Variants in DGAT2L6 observed in about 807,000 individuals in gnomAD.
DGAT2L6 encodes the protein diacylglycerol O-acyltransferase 2 like 6.
DGAT2L6 carries 22 observed loss-of-function variants against 25.5 expected under a neutral mutation model. The observed-to-expected ratio is 0.86, with a 90% CI of 0.62 to 1.23. The LOEUF is 1.23. Among genes scored for constraint, DGAT2L6 ranks in the 50% most tolerant of loss-of-function variants. DGAT2L6 has a pLI of 0.00. For synonymous variants in DGAT2L6, 100 were observed against 94.7 expected (o/e 1.06, Z -0.32); for missense variants, 287 against 253.2 (o/e 1.13, Z -0.91).
chrX:70,179,751 A>C (rs2085337598), intron 1 of DGAT2L6, among the ~76,000 whole-genome samples: 1 of 108,555 alleles, frequency 9.2e-6, no homozygotes, highest in African/African-American at 3.4e-5. Flanking sequence ...TATTTTTAGT[A>C]GAGACGGGGT....
intron 1 of DGAT2L6, among the ~76,000 whole-genome samples, chrX:70,178,564 A>G (rs2085333933): frequency 9.0e-6 from 1 of 110,840 alleles, no homozygotes; most frequent in Non-Finnish European, 1.9e-5. Flanking sequence ...GGTCAATTAC[A>G]GGTGCAAGCT....
chrX:70,195,533 C>T (rs2085388582), intron 1 of DGAT2L6, among the ~76,000 whole-genome samples: 1 of 110,970 alleles, frequency 9.0e-6, no homozygotes, highest in Non-Finnish European at 1.9e-5. Flanking sequence ...TTTGCAATAA[C>T]ATGGATGAAC....
intron 1 of DGAT2L6, 119 bp downstream of exon 1, chrX:70,177,786 C>G (rs1199511): frequency 0.061 from 37,085 of 610,569 alleles, 2,012 homozygotes; most frequent in African/African-American, 0.29. Flanking sequence ...TGGGAAGGAT[C>G]TGGCTGGCAC....
In DGAT2L6 at chrX:70,199,863, G is replaced by T. The variant is rs140805163; in HGVS notation, c.248G>T (p.Arg83Leu). The change falls in exon 3 of 7, where the codon CGA becomes CTA. Residue 83 changes from arginine to leucine, a missense_variant. Coordinates refer to ENST00000333026, the MANE Select transcript of DGAT2L6 (RefSeq NM_198512.3). ...VRNWTLWKYF[R>L]NYFPVKLVKT... is the part of the protein sequence containing the mutation. ...AACTGGACCCTATGGAAGTATTTCC[G>T]AAATTACTTCCCAGTAAAGGTGACC... The T allele has an allele frequency of 1.5e-5, 18 of 1,210,954 alleles. No homozygotes were observed. The highest frequency in any genetic ancestry group is 1.9e-5 in the Non-Finnish European group (17 of 895,174).
chrX:70,178,541 G>A (rs140717802), intron 1 of DGAT2L6, among the ~76,000 whole-genome samples: 1 of 110,904 alleles, frequency 9.0e-6, no homozygotes, highest in Non-Finnish European at 1.9e-5. Flanking sequence ...CCAGAAACCA[G>A]GGATTTGGGG....
chrX:70,200,881 G>T (rs1029469096), intron 4 of DGAT2L6, among the ~76,000 whole-genome samples: 16 of 111,739 alleles, frequency 1.4e-4, no homozygotes, highest in Non-Finnish European at 2.8e-4. Context: ...TGTACACCAT[G>T]GTGTCTTAAA....
intron 6 of DGAT2L6, 69 bp downstream of exon 6, chrX:70,204,585 C>T: frequency 8.8e-7 from 1 of 1,137,079 alleles, no homozygotes. Flanking sequence ...AATCATCCAT[C>T]AAGTCCAGGG....
At chrX:70,186,101 G>T (rs986903492) in intron 1 of DGAT2L6, among the ~76,000 whole-genome samples, 1 of 111,626 alleles carries the variant, frequency 9.0e-6, no homozygotes, top group African/African-American at 3.3e-5. Flanking sequence ...TTTGGAATAC[G>T]GTTTCTCTTC....
chrX:70,200,318 A>G lies in DGAT2L6; in HGVS notation c.331A>G (p.Ile111Val). ...CATCATTGCCAATCACCCCCATGGC[A>G]TTCTCTCTTTTGGTGTCTTCATCAA... is the stretch of plus-strand genomic sequence containing the variant. ...NYIIANHPHG[I>V]LSFGVFINFA... Residue 111 changes from isoleucine (I) to valine (V), a missense_variant, in exon 4 of 7, where the codon ATT becomes GTT. Transcript: ENST00000333026. The G allele has an allele frequency of 8.3e-7, 1 of 1,211,462 alleles. No homozygotes were observed. The highest frequency in any genetic ancestry group is 1.1e-6 in the Non-Finnish European group (1 of 895,359).
In DGAT2L6 at chrX:70,186,057, T is replaced by C. The variant is rs772242137; in HGVS notation, c.85+8390T>C. 4.5e-5 allele frequency among the ~76,000 whole-genome samples: 5 copies of C among 111,768 alleles called. No homozygotes were observed. In the Admixed American group the frequency reaches 4.8e-4, roughly 11 times the overall value. ...CGTTGCCTATATCCTTACACACACA[T>C]GCACACCTTATAACTTCAGATAGCC... is the stretch of plus-strand genomic sequence containing the variant. On this transcript the variant is annotated intron_variant, in intron 1 of 6. Transcript: ENST00000333026.
intron 1 of DGAT2L6, among the ~76,000 whole-genome samples, chrX:70,188,160 T>C (rs2085365075): frequency 8.9e-6 from 1 of 111,928 alleles, no homozygotes; most frequent in African/African-American, 3.3e-5. Context: ...TTAGGTCATA[T>C]TGGTACCATT....
chrX:70,191,573 G>A (rs1342606869), intron 1 of DGAT2L6, among the ~76,000 whole-genome samples: 1 of 111,683 alleles, frequency 9.0e-6, no homozygotes, highest in Admixed American at 9.4e-5. Context: ...CATAATTTAG[G>A]AGAAGAAAAA....
At chrX:70,184,205 C>T (rs1196029735) in intron 1 of DGAT2L6, among the ~76,000 whole-genome samples, 2 of 111,133 alleles carry the variant, frequency 1.8e-5, no homozygotes, top group Non-Finnish European at 3.8e-5. Context: ...CCTCTCAAGA[C>T]TGTTCCAGAG....
At chrX:70,184,553 C>A (rs2085353797) in intron 1 of DGAT2L6, among the ~76,000 whole-genome samples, 1 of 109,967 alleles carries the variant, frequency 9.1e-6, no homozygotes, top group South Asian at 4.0e-4. Flanking sequence ...CAGCCTCGAA[C>A]TCCTGGGTTC....
intron 1 of DGAT2L6, among the ~76,000 whole-genome samples, chrX:70,185,995 A>G (rs2085358694): frequency 9.0e-6 from 1 of 111,082 alleles, no homozygotes; most frequent in African/African-American, 3.3e-5. Flanking sequence ...TTTCACCCAT[A>G]AGAATTATAG....
At chrX:70,185,936 T>G (rs768056221) in intron 1 of DGAT2L6, among the ~76,000 whole-genome samples, 7 of 109,958 alleles carry the variant, frequency 6.4e-5, no homozygotes, top group African/African-American at 2.3e-4. Context: ...AGGCAAGCAT[T>G]GCCAACATTC....
Position 70,199,900 on chromosome X carries a change from G to T in DGAT2L6, c.267+18G>T, listed in dbSNP as rs1203197771. 2.5e-6 allele frequency: 3 copies of T among 1,197,817 alleles called. No homozygotes were observed. The highest frequency in any genetic ancestry group is 3.4e-6 in the Non-Finnish European group (3 of 886,564). On this transcript the variant is annotated intron_variant, in intron 3 of 6. Transcript: ENST00000333026. Reference sequence around the variant, plus strand: ...CAGTAAAGGTGACCACTCTTCCTCGGGGTGCCCTCAGTCCCTGTTGCCCAG... The same window carrying T: ...CAGTAAAGGTGACCACTCTTCCTCGTGGTGCCCTCAGTCCCTGTTGCCCAG...
intron 1 of DGAT2L6, among the ~76,000 whole-genome samples, chrX:70,190,901 C>T (rs1381466380): frequency 1.8e-5 from 2 of 112,183 alleles, no homozygotes; most frequent in Non-Finnish European, 3.8e-5. Context: ...GAGGCAGGCC[C>T]GCAGGCCTCA....
intron 4 of DGAT2L6, 66 bp from the exon 5 acceptor site, chrX:70,201,824 G>A: frequency 9.5e-7 from 1 of 1,056,042 alleles, no homozygotes; most frequent in Non-Finnish European, 1.2e-6. Context: ...GGAAGAGCCT[G>A]GGAAAACCCC....
Sources: allele counts gnomAD v4.1 joint callset (sites outside exome capture counted in the v4.1 genomes callset), GRCh38; gene constraint gnomAD v4.1.1; transcripts MANE v1.5; gene names NCBI Gene and HGNC (gene_info 2026-07-23, HGNC 2026-07-21).